The following GPR158 variants were observed in gnomAD, a reference collection of about 807,000 sequenced individuals.
The protein encoded by GPR158 is G protein-coupled receptor 158, also known as metabotropic glycine receptor.
Under a neutral mutation model 78.2 loss-of-function variants are expected in GPR158, and 30 were observed. The ratio of observed to expected loss-of-function variants is 0.38; its 90% confidence interval spans 0.29 to 0.52. GPR158 has a LOEUF of 0.52. GPR158 is among the 20% of genes least tolerant of loss of function. The pLI, the probability that GPR158 is intolerant of heterozygous loss-of-function variation, is 0.83. For synonymous variants in GPR158, 581 were observed against 591.1 expected (o/e 0.98, Z 0.25); for missense variants, 1,463 against 1,523.5 (o/e 0.96, Z 0.66).
intron 2 of GPR158, among the ~76,000 whole-genome samples, chr10:25,329,299 G>T (rs188023540): frequency 6.6e-6 from 1 of 151,966 alleles, no homozygotes; most frequent in Non-Finnish European, 1.5e-5. Flanking sequence ...AATTAGCCGG[G>T]CGTGGTGGCG....
intron 2 of GPR158, among the ~76,000 whole-genome samples, chr10:25,389,303 A>G (rs1317131854): frequency 6.6e-6 from 1 of 152,160 alleles, no homozygotes; most frequent in Non-Finnish European, 1.5e-5. Flanking sequence ...AACTGCAGAG[A>G]GGAGCTGCCC....
chr10:25,513,807 T>A (rs889548086), intron 5 of GPR158, among the ~76,000 whole-genome samples: 1 of 152,170 alleles, frequency 6.6e-6, no homozygotes, highest in African/African-American at 2.4e-5. Flanking sequence ...GTTATTTAAT[T>A]TCTATGTATT....
chr10:25,209,896 A>T (rs970020803), intron 1 of GPR158, among the ~76,000 whole-genome samples: 1 of 152,208 alleles, frequency 6.6e-6, no homozygotes, highest in Non-Finnish European at 1.5e-5. Flanking sequence ...CCCTGGGAGA[A>T]CTGTGTTCTT....
chr10:25,211,021 A>G (rs111973804), intron 1 of GPR158, among the ~76,000 whole-genome samples: 7,200 of 151,996 alleles, frequency 0.047, 496 homozygotes, highest in African/African-American at 0.15. Flanking sequence ...AGTCCCAGCT[A>G]CTCGGGAGAC....
chr10:25,552,499 G>A (rs1201330449), intron 6 of GPR158, among the ~76,000 whole-genome samples: 3 of 152,178 alleles, frequency 2.0e-5, no homozygotes, highest in East Asian at 3.8e-4. Context: ...AGCATTTAGT[G>A]TCTAGTGGGT....
intron 2 of GPR158, among the ~76,000 whole-genome samples, chr10:25,361,096 C>G (rs1275694494): frequency 6.6e-6 from 1 of 151,806 alleles, no homozygotes; most frequent in Non-Finnish European, 1.5e-5. Flanking sequence ...TTTCCCCTTT[C>G]TCCTTGCCGC....
intron 1 of GPR158, among the ~76,000 whole-genome samples, chr10:25,184,481 G>A (rs1471436813): frequency 1.3e-5 from 2 of 152,288 alleles, no homozygotes; most frequent in African/African-American, 2.4e-5. Flanking sequence ...ATTTGTCTTC[G>A]TAATAGTTTT....
intron 2 of GPR158, among the ~76,000 whole-genome samples, chr10:25,252,394 T>G (rs1445412951): frequency 2.0e-5 from 3 of 152,192 alleles, no homozygotes; most frequent in Non-Finnish European, 4.4e-5. Flanking sequence ...GGCACTCTGA[T>G]TTTTAGAGCT....
At chr10:25,378,604 G>T (rs1174629244) in intron 2 of GPR158, among the ~76,000 whole-genome samples, 1 of 113,118 alleles carries the variant, frequency 8.8e-6, no homozygotes, top group Non-Finnish European at 2.0e-5. Flanking sequence ...CCTTCTCTTT[G>T]CCAGTTAGGC....
intron 4 of GPR158, among the ~76,000 whole-genome samples, chr10:25,415,923 T>C (rs1030527031): frequency 6.6e-6 from 1 of 152,104 alleles, no homozygotes; most frequent in Non-Finnish European, 1.5e-5. Flanking sequence ...AATTAGATTA[T>C]GGTAATAGTT....
intron 5 of GPR158, among the ~76,000 whole-genome samples, chr10:25,526,103 TAAAAAAAAAAA>T (rs4017850): frequency 5.8e-5 from 4 of 69,176 alleles, no homozygotes; most frequent in Non-Finnish European, 8.4e-5. Context: ...CAATTTTGTC[TAAAAAAAAAAA>T]AAAAAAAAAA....
chr10:25,200,992 G>T (rs1471755229), intron 1 of GPR158, among the ~76,000 whole-genome samples: 1 of 151,236 alleles, frequency 6.6e-6, no homozygotes, highest in East Asian at 1.9e-4. Context: ...GGATATTTGG[G>T]CTCTTTTGTG....
At chr10:25,443,819 T>C (rs1484300484) in intron 4 of GPR158, among the ~76,000 whole-genome samples, 1 of 151,998 alleles carries the variant, frequency 6.6e-6, no homozygotes, top group African/African-American at 2.4e-5. Flanking sequence ...TCACCCCATG[T>C]AGTCAGCTCC....
intron 1 of GPR158, among the ~76,000 whole-genome samples, chr10:25,177,182 A>G (rs1415298164): frequency 6.6e-6 from 1 of 152,228 alleles, no homozygotes; most frequent in Non-Finnish European, 1.5e-5. Flanking sequence ...GTCTCAAACT[A>G]TAGCATTTGA....
At chr10:25,417,813 G>A (rs1201503399) in intron 4 of GPR158, among the ~76,000 whole-genome samples, 1 of 152,152 alleles carries the variant, frequency 6.6e-6, no homozygotes, top group Non-Finnish European at 1.5e-5. Flanking sequence ...CCTGGTTAGG[G>A]ATGGCACCTA....
At chr10:25,592,507 A>G (rs1219946129) in intron 8 of GPR158, among the ~76,000 whole-genome samples, 2 of 152,014 alleles carry the variant, frequency 1.3e-5, no homozygotes, top group African/African-American at 4.8e-5. Context: ...GAAAATACGA[A>G]GCTTTAAAAC....
chr10:25,252,938 A>T (rs1366857995), intron 2 of GPR158, among the ~76,000 whole-genome samples: 319 of 151,866 alleles, frequency 2.1e-3, no homozygotes, highest in African/African-American at 2.4e-3. Flanking sequence ...CAGTTTGATC[A>T]CAGACTGCTG....
chr10:25,574,424 G>A (rs1374728321), intron 7 of GPR158, among the ~76,000 whole-genome samples: 2 of 152,054 alleles, frequency 1.3e-5, no homozygotes, highest in East Asian at 3.9e-4. Flanking sequence ...ATTATTAAAA[G>A]TTATTAAAAA....
chr10:25,598,603 G>C lies in GPR158; in HGVS notation c.2977G>C (p.Gly993Arg). Reference protein sequence around the residue: ...PTTANSDLNPGTTQMKDNFDI... With the variant: ...PTTANSDLNPRTTQMKDNFDI... ...CACTGCCAATTCTGACCTGAACCCA[G>C]GCACCACCCAGATGAAGGACAACTT... The change falls in exon 11 of 11, where the codon GGC (glycine) becomes CGC (arginine). Residue 993 changes from glycine (G) to arginine (R), a missense_variant. Gly to Arg is a moderately radical substitution (Grantham distance 125). Transcript: ENST00000376351. The C allele has an allele frequency of 6.2e-7, 1 of 1,614,040 alleles. No homozygotes were observed. Among genetic ancestry groups the C allele is most frequent in the South Asian group, 1.1e-5 (1 of 91,070 alleles).
Sources: gnomAD v4.1 joint callset for allele counts (sites outside exome capture counted in the v4.1 genomes callset) on GRCh38, gnomAD v4.1.1 for gene constraint, MANE v1.5 for transcripts, NCBI Gene and HGNC (gene_info 2026-07-23, HGNC 2026-07-21) for gene names.